PHACTR2: variants seen among roughly 807,000 people sequenced by gnomAD.
The protein encoded by PHACTR2 is chromosome 6 open reading frame 56.
Under a neutral mutation model 76.0 loss-of-function variants are expected in PHACTR2, and 30 were observed. The ratio of observed to expected loss-of-function variants is 0.39; its 90% CI spans 0.30 to 0.54. The LOEUF is 0.54. Ranked by LOEUF, PHACTR2 falls within the 20% of genes least tolerant of loss-of-function variation. PHACTR2 has a pLI of 0.61. For missense variants in PHACTR2, 696 were observed against 781.1 expected, an observed-to-expected ratio of 0.89 and a Z score of 1.30; for synonymous variants, 292 against 292.5, an observed-to-expected ratio of 1.00 and a Z score of 0.02.
upstream of PHACTR2, among the ~76,000 whole-genome samples, chr6:143,676,415 A>G (rs1022446363): frequency 1.3e-5 from 2 of 152,258 alleles, no homozygotes; most frequent in Non-Finnish European, 2.9e-5. The surrounding 1 kb of genome is among the most constrained non-coding windows in gnomAD (Gnocchi z 4.8). Flanking sequence ...AAAAATTATT[A>G]CAGTTACATA....
chr6:143,719,023 C>T (rs1258003326), intron 2 of PHACTR2, among the ~76,000 whole-genome samples: 3 of 151,452 alleles, frequency 2.0e-5, no homozygotes, highest in African/African-American at 4.9e-5. Flanking sequence ...GCAGGGACTA[C>T]AGGCGTGTGC....
In PHACTR2 at chr6:143,760,285, C is replaced by A; in HGVS notation, c.455-116C>A. ...GCTCTGTCTGGTGCAGAACTCCATG[C>A]TGATTCTCAAGTACCAAGCAGACAC... On this transcript the variant is annotated intron_variant, in intron 4 of 12. Coordinates refer to ENST00000440869, the MANE Select transcript of PHACTR2 (RefSeq NM_001100164.2). The surrounding 1 kb of genome is among the most constrained non-coding windows in gnomAD (Gnocchi z 6.4). 3.4e-6 allele frequency: 3 copies of A among 888,222 alleles called. No homozygotes were observed. The highest frequency in any genetic ancestry group is 1.7e-5 in the South Asian group (1 of 57,892). 55.0% of individuals were successfully genotyped at this position (888,222 alleles called of 1,614,324 possible). A position where few individuals can be genotyped will look rare whatever the true frequency, so the allele number is the denominator to read the frequency against.
rs115034996 is a variant in PHACTR2, at chr6:143,774,772, A to G, written c.1589+557A>G. On this transcript the variant is annotated intron_variant, in intron 8 of 12. Transcript: ENST00000440869. This position sits in a 1 kb window ranked among gnomAD's most constrained non-coding sequence, Gnocchi z 5.4. ...TCCAAGTCAGGTAGCCTTAACCCTC[A>G]TATCTGAACATCCCTCTTCCAACTT... 6.5e-3 allele frequency among the ~76,000 whole-genome samples: 988 copies of G among 152,224 alleles called. 12 individuals carry two copies. Among genetic ancestry groups the G allele is most frequent in the African/African-American group, 0.023 (942 of 41,532 alleles).
In PHACTR2 at chr6:143,647,005, G is replaced by C. The variant is rs1281310681; in HGVS notation, c.13+38683G>C. ...GAATTTTAAAATGTATTTTTAGCAA[G>C]GCTCTAAAGATTAAGTCTTCACCTT... On this transcript the variant is annotated intron_variant, in intron 1 of 11. Coordinates refer to the PHACTR2 transcript ENST00000305766. The surrounding 1 kb of genome is among the most constrained non-coding windows in gnomAD (Gnocchi z 4.2). 2.0e-5 allele frequency among the ~76,000 whole-genome samples: 3 copies of C among 152,174 alleles called. No homozygotes were observed. Among genetic ancestry groups the C allele is most frequent in the Non-Finnish European group, 4.4e-5 (3 of 68,026 alleles).
upstream of PHACTR2, among the ~76,000 whole-genome samples, chr6:143,674,321 A>T (rs1399927925): frequency 6.6e-6 from 1 of 152,206 alleles, no homozygotes; most frequent in Non-Finnish European, 1.5e-5. The surrounding 1 kb of genome is among the most constrained non-coding windows in gnomAD (Gnocchi z 4.9). Context: ...ATCTTCTAGT[A>T]AAAACTACCC....
intron 9 of PHACTR2, among the ~76,000 whole-genome samples, chr6:143,779,699 A>G (rs1022750318): frequency 1.3e-5 from 2 of 152,000 alleles, no homozygotes; most frequent in Non-Finnish European, 2.9e-5. Context: ...ACAGAATAAA[A>G]CATTCAACAA....
intron 1 of PHACTR2, among the ~76,000 whole-genome samples, chr6:143,574,008 G>T (rs371277818): frequency 2.0e-5 from 3 of 152,196 alleles, no homozygotes; most frequent in African/African-American, 7.2e-5. Context: ...AGCTCAGCTG[G>T]GTTCTCTGCT....
rs1779403698 is a variant in PHACTR2 at position 143,760,286 on chromosome 6, T to A, written c.455-115T>A. ...CTCTGTCTGGTGCAGAACTCCATGC[T>A]GATTCTCAAGTACCAAGCAGACACG... is the stretch of plus-strand genomic sequence containing the variant. On this transcript the variant is annotated intron_variant, in intron 4 of 12. Coordinates refer to ENST00000440869, the MANE Select transcript of PHACTR2 (RefSeq NM_001100164.2). This position sits in a 1 kb window ranked among gnomAD's most constrained non-coding sequence, Gnocchi z 6.4. The A allele has an allele frequency of 1.1e-6, 1 of 900,136 alleles. No individual in the cohort carries two copies. The allele number at this position is 900,136 out of a possible 1,614,324, so 55.8% of individuals were successfully genotyped here. A position where few individuals can be genotyped will look rare whatever the true frequency, so the allele number is the denominator to read the frequency against.
At position 143,733,775 on chromosome 6, in the gene PHACTR2, G is replaced by A. The variant is rs962052431; in HGVS notation, c.215-15210G>A. On this transcript the variant is annotated intron_variant, in intron 2 of 12. Coordinates refer to ENST00000440869, the MANE Select transcript of PHACTR2 (RefSeq NM_001100164.2). This position sits in a 1 kb window ranked among gnomAD's most constrained non-coding sequence, Gnocchi z 4.0. The stretch of plus-strand genomic sequence containing the variant: ...TTCTCAGAAAGGAAGTGTGGTGGGG[G>A]TTGTATTTTAATTCAACCATTTGTG... 6.6e-6 allele frequency among the ~76,000 whole-genome samples: 1 copy of A among 152,152 alleles called. No individual in the cohort carries two copies. The highest frequency in any genetic ancestry group is 2.4e-5 in the African/African-American group (1 of 41,420).
chr6:143,831,045 T>G lies in PHACTR2; in HGVS notation c.*7356T>G, dbSNP rs1475920477. On this transcript the variant is annotated 3_prime_UTR_variant, in exon 13 of 13. Transcript: ENST00000440869. This position sits in a 1 kb window ranked among gnomAD's most constrained non-coding sequence, Gnocchi z 5.2. ...AAGAATTACTGCTCTTAAAAGAAAC[T>G]TCCAGTATTTTTTTTAACTTGCTAT... is the stretch of plus-strand genomic sequence containing the variant. 6.6e-6 allele frequency: 1 copy of G among 152,210 alleles called. No homozygotes were observed. The highest frequency in any genetic ancestry group is 6.5e-5 in the Admixed American group (1 of 15,276). 9.4% of individuals were successfully genotyped at this position (152,210 alleles called of 1,614,324 possible). A position where few individuals can be genotyped will look rare whatever the true frequency, so the allele number is the denominator to read the frequency against.
intron 1 of PHACTR2, among the ~76,000 whole-genome samples, chr6:143,670,163 T>C (rs149400955): frequency 2.0e-5 from 3 of 152,350 alleles, no homozygotes; most frequent in African/African-American, 7.2e-5. Flanking sequence ...GAATGTTGAA[T>C]ATTGGCCCCC....
chr6:143,799,144 T>C (rs564265954), intron 11 of PHACTR2, among the ~76,000 whole-genome samples: 1 of 152,346 alleles, frequency 6.6e-6, no homozygotes, highest in East Asian at 1.9e-4. Context: ...ATTTATCCAT[T>C]TCTTCTAGAT....
At chr6:143,584,618 A>G (rs1347278079) in intron 1 of PHACTR2, among the ~76,000 whole-genome samples, 1 of 152,202 alleles carries the variant, frequency 6.6e-6, no homozygotes, top group Admixed American at 6.5e-5. Flanking sequence ...TGATGTAACT[A>G]TTCAACAAAT....
At chr6:143,675,373 G>A (rs551707037), upstream of PHACTR2, among the ~76,000 whole-genome samples, 109 of 152,244 alleles carry the variant, frequency 7.2e-4, no homozygotes, top group South Asian at 1.7e-3. The surrounding 1 kb of genome is among the most constrained non-coding windows in gnomAD (Gnocchi z 4.9). Flanking sequence ...GAAAAGTAGC[G>A]GTGTGCTGAA....
chr6:143,725,350 G>A (rs1453599008), intron 2 of PHACTR2, among the ~76,000 whole-genome samples: 33 of 150,388 alleles, frequency 2.2e-4, no homozygotes, highest in African/African-American at 7.1e-4. Flanking sequence ...ACAGGCGCCC[G>A]CCACCATACC....
At chr6:143,608,164 G>T, upstream of PHACTR2, 1 of 753,700 alleles carries the variant, frequency 1.3e-6, no homozygotes, top group Non-Finnish European at 2.3e-6. The surrounding 1 kb of genome is among the most constrained non-coding windows in gnomAD (Gnocchi z 4.6). Flanking sequence ...ATTTCCTGGC[G>T]GTGTCTCCTG....
chr6:143,677,390 T>C (rs549673199), upstream of PHACTR2, among the ~76,000 whole-genome samples: 5 of 152,338 alleles, frequency 3.3e-5, no homozygotes, highest in South Asian at 1.0e-3. Context: ...CCCTTTTGTG[T>C]ATTTTAATCA....
rs1224417132 is a variant in PHACTR2, at chr6:143,761,887, T to C, written c.694+1247T>C. 5.3e-5 allele frequency among the ~76,000 whole-genome samples: 8 copies of C among 152,360 alleles called. No individual in the cohort carries two copies. Among genetic ancestry groups the C allele is most frequent in the Admixed American group, 1.3e-4 (2 of 15,302 alleles). Reference sequence around the variant, plus strand: ...TGCTCAAATTCAGAGAGCGGTTTAGTTGACAGTATAACAGATCTCTGAATG... The same window carrying C: ...TGCTCAAATTCAGAGAGCGGTTTAGCTGACAGTATAACAGATCTCTGAATG... On this transcript the variant is annotated intron_variant, in intron 5 of 12. Transcript: ENST00000440869. The surrounding 1 kb of genome is among the most constrained non-coding windows in gnomAD (Gnocchi z 5.2).
At chr6:143,682,174 C>T (rs1235849097) in intron 1 of PHACTR2, among the ~76,000 whole-genome samples, 1 of 152,212 alleles carries the variant, frequency 6.6e-6, no homozygotes, top group Non-Finnish European at 1.5e-5. Context: ...GCTGTCTTAA[C>T]AATATGAAGT....
Sources: allele counts gnomAD v4.1 joint callset (sites outside exome capture counted in the v4.1 genomes callset), GRCh38; gene constraint gnomAD v4.1.1; non-coding constraint Gnocchi (gnomAD v3.1); transcripts MANE v1.5; gene names NCBI Gene and HGNC (gene_info 2026-07-23, HGNC 2026-07-21).